The following IL10RB variants were observed in gnomAD, a reference collection of about 807,000 sequenced individuals.
IL10RB encodes interleukin-10 receptor subunit beta.
A neutral mutation model predicts 38.7 loss-of-function variants in IL10RB; 30 were observed. That is an observed-to-expected ratio of 0.78 (90% CI 0.58 to 1.05). The LOEUF (loss-of-function observed/expected upper bound fraction) is 1.05. Ranked by LOEUF, IL10RB falls within the 50% of genes least tolerant of loss-of-function variation. IL10RB has a pLI of 0.00. For missense variants in IL10RB, 328 were observed against 397.1 expected (o/e 0.83, Z 1.48); for synonymous variants, 142 against 145.9 (o/e 0.97, Z 0.19).
At chr21:33,308,362 A>C (rs1333033913) in intron 1 of IL10RB, 1 of 152,226 alleles carries the variant, frequency 6.6e-6, no homozygotes, top group Non-Finnish European at 1.5e-5. Flanking sequence ...AAGATTCTAA[A>C]CTTCACAACT....
At chr21:33,269,644 T>A (rs1441851108) in intron 2 of IL10RB, among the ~76,000 whole-genome samples, 1 of 151,776 alleles carries the variant, frequency 6.6e-6, no homozygotes, top group African/African-American at 2.4e-5. Context: ...TACAATCAGA[T>A]TCACCAATTT....
At chr21:33,294,239 G>T in intron 6 of IL10RB, 2 of 332,554 alleles carry the variant, frequency 6.0e-6, no homozygotes, top group South Asian at 2.3e-5. Flanking sequence ...GACTCATAAT[G>T]ATAGAATCCA....
chr21:33,294,027 A>C (rs1312713702), intron 6 of IL10RB: 1 of 471,160 alleles, frequency 2.1e-6, no homozygotes, highest in Admixed American at 2.3e-5. Context: ...CTGGTCAGAC[A>C]GGAAAGAACA....
Position 33,280,055 on chromosome 21 carries a change from G to GGT in IL10RB, c.498+137_498+138insGT, listed in dbSNP as rs755045543. The GGT allele has an allele frequency of 1.1e-4, 89 of 793,280 alleles. 1 individual carries two copies. The highest frequency in any genetic ancestry group is 1.1e-3 in the East Asian group (42 of 39,378). The allele number at this position is 793,280 out of a possible 1,614,324, so 49.1% of individuals were successfully genotyped here. A position where few individuals can be genotyped will look rare whatever the true frequency, so the allele number is the denominator to read the frequency against. ...GACTGAGGGGTTACTGGTATCTCTG[G>GGT]CTCAAGCTTCCCAGACTCCTAAGGG... On this transcript the variant is annotated intron_variant, in intron 4 of 6. Coordinates refer to ENST00000290200, the MANE Select transcript of IL10RB (RefSeq NM_000628.5).
At chr21:33,278,920 C>T (rs1476066880) in intron 3 of IL10RB, among the ~76,000 whole-genome samples, 1 of 152,186 alleles carries the variant, frequency 6.6e-6, no homozygotes, top group Non-Finnish European at 1.5e-5. Flanking sequence ...CCATGATTGC[C>T]TGGAACCATT....
chr21:33,282,685 G>A (rs1218633228), intron 4 of IL10RB, among the ~76,000 whole-genome samples: 2 of 152,114 alleles, frequency 1.3e-5, no homozygotes, highest in Non-Finnish European at 2.9e-5. Context: ...CCAAGTTCAA[G>A]CGATTCTCGT....
At chr21:33,291,288 C>T (rs1401633166) in intron 6 of IL10RB, among the ~76,000 whole-genome samples, 2 of 150,932 alleles carry the variant, frequency 1.3e-5, no homozygotes, top group Non-Finnish European at 3.0e-5. Flanking sequence ...TTTTTGGAGA[C>T]GGAGTCTCAC....
At chr21:33,266,568 TGCC>T in intron 1 of IL10RB, 54 bp downstream of exon 1, 1 of 1,511,738 alleles carries the variant, frequency 6.6e-7, no homozygotes, top group Non-Finnish European at 8.9e-7. Context: ...CCCCGCGAGA[TGCC>T]GCCCCTGATC....
At chr21:33,279,680 GT>G (rs1341150317) in intron 3 of IL10RB, 71 bp from the exon 4 acceptor site, 17 of 1,306,374 alleles carry the variant, frequency 1.3e-5, no homozygotes, top group Non-Finnish European at 1.9e-5. Flanking sequence ...GTTCTGCATG[GT>G]TATGAAAAAT....
exon 2 of IL10RB, chr21:33,309,845 A>G (rs1162241517): frequency 6.6e-6 from 1 of 152,224 alleles, no homozygotes; most frequent in Non-Finnish European, 1.5e-5. Flanking sequence ...AGTGGACTTC[A>G]TGAGGACAGG....
chr21:33,308,832 A>G (rs2083005044), intron 1 of IL10RB: 1 of 152,196 alleles, frequency 6.6e-6, no homozygotes. Flanking sequence ...AGAGGTCTGT[A>G]TTTTCATCTA....
chr21:33,279,849 G>C lies in IL10RB; in HGVS notation c.429G>C (p.Trp143Cys), dbSNP rs1230081800. Residue 143 changes from tryptophan to cysteine, a missense_variant, in exon 4 of 7, where the codon TGG (tryptophan) becomes TGC (cysteine). By Grantham distance (215) the Trp-to-Cys change is radical. Transcript: ENST00000290200. ...APKIENEYET[W>C]TMKNVYNSWT... ...AAATTGAGAATGAATACGAAACTTG[G>C]ACTATGAAGAATGTGTATAACTCAT... 2.5e-6 allele frequency: 4 copies of C among 1,613,706 alleles called. No homozygotes were observed.
chr21:33,296,054 A>G, intron 6 of IL10RB, 130 bp from the exon 7 acceptor site: 1 of 593,128 alleles, frequency 1.7e-6, no homozygotes, highest in Non-Finnish European at 2.7e-6. Context: ...AAAAAAATAA[A>G]ATAAACATTA....
At position 33,296,969 on chromosome 21, in the gene IL10RB, A is replaced by G. The variant is rs1057226678; in HGVS notation, c.*612A>G. On this transcript the variant is annotated 3_prime_UTR_variant, in exon 7 of 7. Coordinates refer to ENST00000290200, the MANE Select transcript of IL10RB (RefSeq NM_000628.5). ...ACTCCATCTCAAAAAAAAAAAAAAA[A>G]AAAATTGTGAGAAACAGAAATACTT... 3 of 176,850 alleles carry G rather than the reference A, an allele frequency of 1.7e-5. No homozygotes were observed. The highest frequency in any genetic ancestry group is 7.2e-5 in the African/African-American group (3 of 41,634). 11.0% of individuals were successfully genotyped at this position (176,850 alleles called of 1,614,324 possible).
chr21:33,297,416 G>C (rs904709572), downstream of IL10RB, among the ~76,000 whole-genome samples: 20 of 150,658 alleles, frequency 1.3e-4, no homozygotes, highest in African/African-American at 4.7e-4. Flanking sequence ...GCAGTCAAGG[G>C]CCAGATCCGT....
intron 1 of IL10RB, among the ~76,000 whole-genome samples, chr21:33,302,901 C>T (rs963892480): frequency 2.0e-5 from 3 of 152,202 alleles, no homozygotes; most frequent in African/African-American, 7.2e-5. Flanking sequence ...TAAGGCTGTA[C>T]CAAGGAGGCC....
intron 6 of IL10RB, among the ~76,000 whole-genome samples, chr21:33,292,225 T>C (rs1475116471): frequency 2.0e-5 from 3 of 152,178 alleles, no homozygotes; most frequent in Admixed American, 2.0e-4. Context: ...GGCCTGATCT[T>C]GGGCTGCTTT....
In IL10RB at chr21:33,275,854, A is replaced by G. The variant is rs552325427; in HGVS notation, c.174-742A>G. Among the ~76,000 whole-genome samples, 83 of 152,364 alleles carry G rather than the reference A, an allele frequency of 5.4e-4. No homozygotes were observed. The South Asian group carries it at 0.016, about 30-fold the overall frequency. ...AGAAGTCAGAACACTCACAACATCT[A>G]TTGATTAATTTCACTGTCTTATATA... On this transcript the variant is annotated intron_variant, in intron 2 of 6. Transcript: ENST00000290200.
chr21:33,270,444 G>A (rs867517192), intron 2 of IL10RB, among the ~76,000 whole-genome samples: 3 of 150,938 alleles, frequency 2.0e-5, no homozygotes, highest in Non-Finnish European at 3.0e-5. Flanking sequence ...GCAGTAGCGC[G>A]ATCTCATCTC....
Sources: allele counts gnomAD v4.1 joint callset (sites outside exome capture counted in the v4.1 genomes callset), GRCh38; gene constraint gnomAD v4.1.1; transcripts MANE v1.5; gene names NCBI Gene and HGNC (gene_info 2026-07-23, HGNC 2026-07-21).